Variants in ERCC5 observed in about 807,000 individuals in gnomAD.
ERCC5 encodes DNA excision repair protein ERCC-5.
Under a neutral mutation model 105.6 loss-of-function variants are expected in ERCC5, and 68 were observed. That is an observed-to-expected ratio of 0.64 (90% CI 0.53 to 0.79). ERCC5 has a LOEUF of 0.79. Ranked by LOEUF, ERCC5 falls within the 30% of genes least tolerant of loss-of-function variation. The pLI is 0.00. For synonymous variants in ERCC5, 546 were observed against 526.2 expected (o/e 1.04, Z -0.51); for missense variants, 1,373 against 1,426.7 (o/e 0.96, Z 0.61).
chr13:102,875,687 G>T lies in ERCC5; in HGVS notation c.3345G>T (p.Arg1115Ser). Reference protein sequence around the residue: ...AESSSLMNVQRRTAAKEPKTS... With the variant: ...AESSSLMNVQSRTAAKEPKTS... ...GTTCATCTTTAATGAATGTACAAAG[G>T]AGAACAGCTGCGAAAGAGCCAAAAA... is the stretch of plus-strand genomic sequence containing the variant. Residue 1115 changes from arginine (R) to serine (S), a missense_variant, in exon 15 of 15, where the codon AGG becomes AGT. Physicochemically the swap from Arg to Ser is moderately radical, Grantham distance 110. Transcript: ENST00000652225. 1.2e-6 allele frequency: 2 copies of T among 1,614,124 alleles called. No homozygotes were observed. Among genetic ancestry groups the T allele is most frequent in the Non-Finnish European group, 1.7e-6 (2 of 1,180,008 alleles).
chr13:102,865,206 AAAGACAGT>A lies in ERCC5; in HGVS notation c.1955-448_1955-441del, dbSNP rs1566470215. The stretch of plus-strand genomic sequence containing the variant: ...CATTAAATATATTTTAAGGAGAAGG[AAAGACAGT>A]AAGACAGTAAGAGAGGAGAGAAGGG... On this transcript the variant is annotated intron_variant, in intron 8 of 14. Coordinates refer to ENST00000652225, the MANE Select transcript of ERCC5 (RefSeq NM_000123.4). The surrounding 1 kb of genome is among the most constrained non-coding windows in gnomAD (Gnocchi z 4.0). The A allele has an allele frequency of 9.7e-6, 2 of 207,250 alleles. No individual in the cohort carries two copies. The highest frequency in any genetic ancestry group is 7.3e-5 in the South Asian group (1 of 13,624). 12.8% of individuals were successfully genotyped at this position (207,250 alleles called of 1,614,324 possible).
At position 102,862,663 on chromosome 13, in the gene ERCC5, G is replaced by A. The variant is rs1242669696; in HGVS notation, c.1514G>A (p.Ser505Asn). ...KDRKDRLPLE[S>N]AVVRHSDAPG... ...AGAAAAGATCGGCTGCCTCTGGAGA[G>A]TGCAGTGGTTAGACATAGTGACGCA... is the stretch of plus-strand genomic sequence containing the variant. The change falls in exon 8 of 15, where the codon AGT becomes AAT. Residue 505 changes from serine to asparagine, a missense_variant. Transcript: ENST00000652225. The A allele has an allele frequency of 1.2e-6, 2 of 1,614,102 alleles. No individual in the cohort carries two copies. Among genetic ancestry groups the A allele is most frequent in the African/African-American group, 1.3e-5 (1 of 74,936 alleles).
At chr13:102,858,222 G>T in intron 5 of ERCC5, 53 bp from the exon 6 acceptor site, 1 of 1,610,200 alleles carries the variant, frequency 6.2e-7, no homozygotes, top group Non-Finnish European at 8.5e-7. Context: ...ATGTTGAATA[G>T]AACTAAGTGT....
Position 102,862,007 on chromosome 13 carries a change from G to T in ERCC5, c.881-23G>T, listed in dbSNP as rs755582817. 3 of 1,613,466 alleles carry T rather than the reference G, an allele frequency of 1.9e-6. No homozygotes were observed. The Admixed American group carries it at 5.0e-5, about 27-fold the overall frequency. ...GTCACACTGTAAAACTGAATGGTGAGAAGTGTTTTAATTCTTCTTAAGGTA... is the reference window on the plus strand; with the variant it reads ...GTCACACTGTAAAACTGAATGGTGATAAGTGTTTTAATTCTTCTTAAGGTA... On this transcript the variant is annotated intron_variant, in intron 7 of 14. Transcript: ENST00000652225.
chr13:102,865,703 A>G lies in ERCC5; in HGVS notation c.1991A>G (p.Glu664Gly), dbSNP rs1006483180. 1.2e-6 allele frequency: 2 copies of G among 1,613,882 alleles called. No individual in the cohort carries two copies. Among genetic ancestry groups the G allele is most frequent in the Non-Finnish European group, 1.7e-6 (2 of 1,179,872 alleles). The change falls in exon 9 of 15, where the codon GAG (glutamate) becomes GGG (glycine). Residue 664 changes from glutamate to glycine, a missense_variant. This residue lies in a region of ERCC5 where 1,004 missense variants were observed against 1,059.7 expected (regional missense o/e 0.95). Transcript: ENST00000652225. The surrounding 1 kb of genome is among the most constrained non-coding windows in gnomAD (Gnocchi z 4.0). ...FIEVQSVISD[E>G]ELQAEFPETS... ...GAAGTGCAAAGTGTGATTAGTGATGAGGAACTTCAAGCAGAATTCCCTGAA... is the reference window on the plus strand; with the variant it reads ...GAAGTGCAAAGTGTGATTAGTGATGGGGAACTTCAAGCAGAATTCCCTGAA...
intron 2 of ERCC5, among the ~76,000 whole-genome samples, chr13:102,852,745 T>G (rs775533028): frequency 1.1e-4 from 16 of 152,196 alleles, no homozygotes; most frequent in Non-Finnish European, 2.2e-4. Flanking sequence ...TGCCAAGTGG[T>G]GACTAAAGTG....
rs1882421055 is a variant in ERCC5 at position 102,856,355 on chromosome 13, T to G, written c.528+243T>G. Among the ~76,000 whole-genome samples, 6 of 152,296 alleles carry G rather than the reference T, an allele frequency of 3.9e-5. No individual in the cohort carries two copies. In the South Asian group the frequency reaches 1.2e-3, roughly 32 times the overall value. On this transcript the variant is annotated intron_variant, in intron 5 of 14. Transcript: ENST00000652225. ...ACATCTATATATTCAAAACAAGCTA[T>G]TTTTCTTTTACAACCAACCAACCAA...
At chr13:102,852,658 T>C (rs1172114281) in intron 2 of ERCC5, among the ~76,000 whole-genome samples, 1 of 152,184 alleles carries the variant, frequency 6.6e-6, no homozygotes, top group African/African-American at 2.4e-5. Context: ...TCCCTGAATC[T>C]GAGATCAAGT....
At chr13:102,856,801 A>G (rs932720621) in intron 5 of ERCC5, among the ~76,000 whole-genome samples, 2 of 152,208 alleles carry the variant, frequency 1.3e-5, no homozygotes, top group Admixed American at 6.5e-5. Flanking sequence ...CAGAGCACCT[A>G]CTTGTGGCCT....
chr13:102,855,989 C>A, intron 4 of ERCC5, 63 bp from the exon 5 acceptor site: 1 of 1,523,422 alleles, frequency 6.6e-7, no homozygotes, highest in Non-Finnish European at 9.1e-7. Flanking sequence ...GCCTTGCATA[C>A]AAGTATTTTT....
chr13:102,858,896 A>G (rs1359307949), intron 6 of ERCC5: 1 of 456,114 alleles, frequency 2.2e-6, no homozygotes, highest in South Asian at 1.5e-5. Context: ...AATAAGTTCT[A>G]AATTGAAATT....
Position 102,862,925 on chromosome 13 carries a change from C to CT in ERCC5, c.1776_1777insT (p.Pro593SerfsTer7). Reference sequence around the variant, plus strand: ...AAGAAACAAGTAGCATAGTAAGTGTCCCTTCAGAGGCAGTAGATAATGTGG... The same window carrying CT: ...AAGAAACAAGTAGCATAGTAAGTGTCTCCTTCAGAGGCAGTAGATAATGTGG... On this transcript the variant is annotated frameshift_variant, in exon 8 of 15. Coordinates refer to ENST00000652225, the MANE Select transcript of ERCC5 (RefSeq NM_000123.4). LOFTEE classifies it high-confidence loss of function. 3.7e-6 allele frequency: 6 copies of CT among 1,614,156 alleles called. No homozygotes were observed. The highest frequency in any genetic ancestry group is 5.1e-6 in the Non-Finnish European group (6 of 1,180,020).
At chr13:102,858,930 A>G (rs1029724893) in intron 6 of ERCC5, 6 of 455,986 alleles carry the variant, frequency 1.3e-5, no homozygotes, top group African/African-American at 1.2e-4. Flanking sequence ...CCTCTGCTGC[A>G]GCCCTAGAGA....
intron 4 of ERCC5, 150 bp downstream of exon 4, chr13:102,854,524 C>A: frequency 2.6e-6 from 2 of 771,272 alleles, no homozygotes. Flanking sequence ...GAATATTTTT[C>A]AAAGACTAAA....
intron 8 of ERCC5, among the ~76,000 whole-genome samples, chr13:102,863,551 T>C (rs1882724758): frequency 1.3e-5 from 2 of 152,212 alleles, no homozygotes; most frequent in African/African-American, 4.8e-5. Context: ...TATACATATG[T>C]ATACCATTGA....
chr13:102,862,605 T>C lies in ERCC5; in HGVS notation c.1456T>C (p.Phe486Leu), dbSNP rs1287081140. Residue 486 changes from phenylalanine (F) to leucine (L), a missense_variant, in exon 8 of 15, where the codon TTT becomes CTT. Transcript: ENST00000652225. Reference sequence around the variant, plus strand: ...ACTTGTTCACGTGGGGACTGAAGCCTTTCCGATAAGTGATGAGTCTATGAT... The same window carrying C: ...ACTTGTTCACGTGGGGACTGAAGCCCTTCCGATAAGTGATGAGTCTATGAT... The part of the protein sequence containing the change: ...MSLVHVGTEA[F>L]PISDESMIKD... 1 of 1,614,012 alleles carries C rather than the reference T, an allele frequency of 6.2e-7. No homozygotes were observed. The highest frequency in any genetic ancestry group is 8.5e-7 in the Non-Finnish European group (1 of 1,180,030).
At chr13:102,872,570 T>C (rs1257878215) in intron 13 of ERCC5, among the ~76,000 whole-genome samples, 172 bp downstream of exon 13, 1 of 152,190 alleles carries the variant, frequency 6.6e-6, no homozygotes, top group African/African-American at 2.4e-5. Flanking sequence ...TGTTGTTTTT[T>C]GTTTGTTTGT....
At chr13:102,868,351 A>G in intron 12 of ERCC5, 94 bp downstream of exon 12, 6 of 1,512,136 alleles carry the variant, frequency 4.0e-6, no homozygotes, top group Non-Finnish European at 1.8e-6. Context: ...TCATGCTGTA[A>G]CATGTGAACA....
In ERCC5 at chr13:102,865,277, T is replaced by C. The variant is rs1882791664; in HGVS notation, c.1955-390T>C. 3.6e-6 allele frequency: 1 copy of C among 275,240 alleles called. No individual in the cohort carries two copies. The highest frequency in any genetic ancestry group is 3.7e-5 in the South Asian group (1 of 27,144). The allele number at this position is 275,240 out of a possible 1,614,324, so 17.0% of individuals were successfully genotyped here. On this transcript the variant is annotated intron_variant, in intron 8 of 14. Coordinates refer to ENST00000652225, the MANE Select transcript of ERCC5 (RefSeq NM_000123.4). This position sits in a 1 kb window ranked among gnomAD's most constrained non-coding sequence, Gnocchi z 4.0. ...AAGAACTATTTCTTAGTCACAGCTT[T>C]ATTCTGTGCTGTGTAAATAGCATAA...
Sources: allele counts gnomAD v4.1 joint callset (sites outside exome capture counted in the v4.1 genomes callset), GRCh38; gene constraint gnomAD v4.1.1; regional missense constraint gnomAD v4.1.1; non-coding constraint Gnocchi (gnomAD v3.1); transcripts MANE v1.5; gene names NCBI Gene and HGNC (gene_info 2026-07-23, HGNC 2026-07-21).